NKAIN3: variants seen among roughly 807,000 people sequenced by gnomAD.
The protein encoded by NKAIN3 is sodium/potassium-transporting ATPase subunit beta-1-interacting protein 3.
NKAIN3 carries 25 observed loss-of-function variants against 30.2 expected under a neutral mutation model. That is an observed-to-expected ratio of 0.83 (90% CI 0.60 to 1.16). The LOEUF (loss-of-function observed/expected upper bound fraction) is 1.16. Among genes scored for constraint, NKAIN3 ranks in the 50% most tolerant of loss-of-function variants. NKAIN3 has a pLI of 0.00. For synonymous variants in NKAIN3, 91 were observed against 89.6 expected, an observed-to-expected ratio of 1.02 and a Z score of -0.09; for missense variants, 225 against 254.1, an observed-to-expected ratio of 0.89 and a Z score of 0.78.
chr8:62,356,539 C>G (rs1400685528), intron 1 of NKAIN3, among the ~76,000 whole-genome samples: 1 of 152,112 alleles, frequency 6.6e-6, no homozygotes, highest in Non-Finnish European at 1.5e-5. Flanking sequence ...CCCTATAAAC[C>G]ATTATCAAGT....
In NKAIN3 at chr8:62,395,462, G is replaced by GA. The variant is rs565314391; in HGVS notation, c.54+146343dup. 4.8e-3 allele frequency among the ~76,000 whole-genome samples: 732 copies of GA among 152,012 alleles called. 6 individuals carry two copies. The highest frequency in any genetic ancestry group is 0.017 in the African/African-American group (686 of 41,506). On this transcript the variant is annotated intron_variant, in intron 1 of 6. Transcript: ENST00000623646. Reference sequence around the variant, plus strand: ...TTTGGTAATATCTTTAAGGATTCATGAAAAAAAAGTCTATGAAACAAACAA... The same window carrying GA: ...TTTGGTAATATCTTTAAGGATTCATGAAAAAAAAAGTCTATGAAACAAACAA...
intron 5 of NKAIN3, among the ~76,000 whole-genome samples, chr8:62,994,556 GTTCATTCA>G (rs202064359): frequency 1.3e-5 from 2 of 152,112 alleles, no homozygotes; most frequent in African/African-American, 4.8e-5. Flanking sequence ...GACACTTCAA[GTTCATTCA>G]TTCATTCATT....
At chr8:62,393,480 A>G (rs904590702) in intron 1 of NKAIN3, among the ~76,000 whole-genome samples, 8 of 151,978 alleles carry the variant, frequency 5.3e-5, no homozygotes, top group African/African-American at 1.9e-4. Flanking sequence ...CCTTATGCCA[A>G]TCTCATACTC....
At chr8:62,407,404 T>TC (rs1450665685) in intron 1 of NKAIN3, among the ~76,000 whole-genome samples, 1 of 29,874 alleles carries the variant, frequency 3.3e-5, no homozygotes, top group Non-Finnish European at 5.6e-5. Flanking sequence ...GATAGTTGTT[T>TC]TTTTTTTTTT....
chr8:62,420,153 G>T (rs533273175), intron 1 of NKAIN3, among the ~76,000 whole-genome samples: 7 of 152,232 alleles, frequency 4.6e-5, no homozygotes, highest in African/African-American at 1.7e-4. Flanking sequence ...TCATTTTGTT[G>T]TAGGAAATCT....
At chr8:62,663,053 T>C (rs1204422213) in intron 3 of NKAIN3, among the ~76,000 whole-genome samples, 1 of 152,070 alleles carries the variant, frequency 6.6e-6, no homozygotes, top group Non-Finnish European at 1.5e-5. Flanking sequence ...ACTTGAGAAA[T>C]AGAATTACAG....
chr8:62,996,015 C>A (rs1219390244), intron 5 of NKAIN3, among the ~76,000 whole-genome samples: 1 of 152,158 alleles, frequency 6.6e-6, no homozygotes. Context: ...CTGGTCCACA[C>A]CTTCTATTTA....
chr8:62,971,644 G>A lies in NKAIN3; in HGVS notation c.*6237G>A, dbSNP rs773186578. Reference sequence around the variant, plus strand: ...CCAAACCTTGTCTCAAAAAAAAAGCGGGGGGGGCTTCATTTATTAGTAAGA... The same window carrying A: ...CCAAACCTTGTCTCAAAAAAAAAGCAGGGGGGGCTTCATTTATTAGTAAGA... On this transcript the variant is annotated 3_prime_UTR_variant, in exon 7 of 7. Coordinates refer to ENST00000623646, the MANE Select transcript of NKAIN3 (RefSeq NM_001304533.3). 6.1e-4 allele frequency among the ~76,000 whole-genome samples: 71 copies of A among 115,502 alleles called. No homozygotes were observed. Among genetic ancestry groups the A allele is most frequent in the Middle Eastern group, 5.5e-3 (1 of 182 alleles). The allele number at this position is 115,502 out of a possible 152,430, so 75.8% of individuals were successfully genotyped here.
intron 4 of NKAIN3, among the ~76,000 whole-genome samples, chr8:62,800,688 C>T (rs147877066): frequency 0.014 from 2,090 of 152,268 alleles, 42 homozygotes; most frequent in African/African-American, 0.046. Flanking sequence ...GCGTGAGTGA[C>T]GCAGAAGACG....
intron 4 of NKAIN3, among the ~76,000 whole-genome samples, chr8:62,811,516 A>G (rs1406555531): frequency 6.6e-6 from 1 of 152,012 alleles, no homozygotes; most frequent in Non-Finnish European, 1.5e-5. Flanking sequence ...GTTTCTCTGC[A>G]TCTTTGCCAG....
intron 4 of NKAIN3, among the ~76,000 whole-genome samples, chr8:62,798,259 A>T (rs993958108): frequency 6.6e-6 from 1 of 152,246 alleles, no homozygotes; most frequent in East Asian, 1.9e-4. Context: ...CCGATATTTA[A>T]TTGCAGCTCC....
intron 1 of NKAIN3, among the ~76,000 whole-genome samples, chr8:62,477,525 G>A (rs1421593210): frequency 6.6e-6 from 1 of 152,118 alleles, no homozygotes. Context: ...TTCCCTCACA[G>A]GATGGTTGCT....
chr8:62,715,981 C>T (rs1467867893), intron 3 of NKAIN3, among the ~76,000 whole-genome samples: 2 of 152,182 alleles, frequency 1.3e-5, no homozygotes, highest in African/African-American at 4.8e-5. Flanking sequence ...GAACAGGGAG[C>T]AAGGCAGCAT....
intron 3 of NKAIN3, among the ~76,000 whole-genome samples, chr8:62,632,428 C>T (rs79435696): frequency 0.037 from 5,679 of 152,118 alleles, 364 homozygotes; most frequent in African/African-American, 0.13. Context: ...CAAATCTGAG[C>T]AGAAAACAAA....
intron 3 of NKAIN3, among the ~76,000 whole-genome samples, chr8:62,639,012 G>A (rs1812222780): frequency 6.6e-6 from 1 of 152,118 alleles, no homozygotes; most frequent in Non-Finnish European, 1.5e-5. Context: ...CTCTGCAAGT[G>A]TACTATCTCA....
At chr8:62,896,061 C>T (rs1328146048) in intron 4 of NKAIN3, among the ~76,000 whole-genome samples, 1 of 151,990 alleles carries the variant, frequency 6.6e-6, no homozygotes, top group Admixed American at 6.6e-5. Context: ...TACAACACAG[C>T]ACCATAGACT....
intron 1 of NKAIN3, among the ~76,000 whole-genome samples, chr8:62,497,597 A>C (rs1807284087): frequency 6.6e-6 from 1 of 152,118 alleles, no homozygotes; most frequent in Non-Finnish European, 1.5e-5. Flanking sequence ...CAATGGAGAC[A>C]CACCAGAGAA....
At chr8:62,504,912 A>C (rs1431067909) in intron 1 of NKAIN3, among the ~76,000 whole-genome samples, 1 of 152,152 alleles carries the variant, frequency 6.6e-6, no homozygotes, top group African/African-American at 2.4e-5. Flanking sequence ...TCAGTTTTGA[A>C]TGCTCTTCTT....
At chr8:62,614,901 C>T (rs1323429942) in intron 3 of NKAIN3, among the ~76,000 whole-genome samples, 1 of 152,150 alleles carries the variant, frequency 6.6e-6, no homozygotes, top group Non-Finnish European at 1.5e-5. Flanking sequence ...AGACGGTGAA[C>T]TCCCCTCTGG....
Sources: allele counts gnomAD v4.1 joint callset (sites outside exome capture counted in the v4.1 genomes callset), GRCh38; gene constraint gnomAD v4.1.1; transcripts MANE v1.5; gene names NCBI Gene and HGNC (gene_info 2026-07-23, HGNC 2026-07-21).